The following MYT1 variants were observed in gnomAD, a reference collection of about 807,000 sequenced individuals.
The protein encoded by MYT1 is myelin transcription factor I.
A neutral mutation model predicts 123.0 loss-of-function variants in MYT1; 23 were observed. That is an observed-to-expected ratio of 0.19 (90% CI 0.13 to 0.26). The LOEUF is 0.26. Ranked by LOEUF, MYT1 falls within the 10% of genes least tolerant of loss-of-function variation. The pLI is 1.00. For synonymous variants in MYT1, 518 were observed against 575.3 expected, an observed-to-expected ratio of 0.90 and a Z score of 1.43; for missense variants, 1,125 against 1,472.5, an observed-to-expected ratio of 0.76 and a Z score of 3.86.
intron 1 of MYT1, among the ~76,000 whole-genome samples, chr20:64,180,876 T>C (rs950597449): frequency 4.6e-5 from 7 of 152,248 alleles, no homozygotes; most frequent in Non-Finnish European, 1.0e-4. Flanking sequence ...TCACCACCCC[T>C]GCCACATGCA....
At position 64,222,047 on chromosome 20, in the gene MYT1, C is replaced by T. The variant is rs760637460; in HGVS notation, c.2396C>T (p.Thr799Ile). 3.0e-5 allele frequency: 48 copies of T among 1,612,256 alleles called. No individual in the cohort carries two copies. Among genetic ancestry groups the T allele is most frequent in the Non-Finnish European group, 3.8e-5 (45 of 1,179,932 alleles). Residue 799 changes from threonine (T) to isoleucine (I), a missense_variant and splice_region_variant, in exon 14 of 23, where the codon ACC becomes ATC. Physicochemically the swap from Thr to Ile is moderately conservative, Grantham distance 89. Around this residue, in one of 4 missense-constraint regions of MYT1, gnomAD observed 47 missense variants for 113.1 expected, o/e 0.42. Coordinates refer to ENST00000328439, the MANE Select transcript of MYT1 (RefSeq NM_004535.3). ...AAGGACATAAAGAAGGAGCTGCTCA[C>T]GTAAGTCCCTGTTTGGCTGGCACAG... ...LSKDIKKELL[T>I]CPTPGCDGSG...
intron 2 of MYT1, among the ~76,000 whole-genome samples, chr20:64,194,548 A>C (rs577944254): frequency 6.6e-6 from 1 of 152,346 alleles, no homozygotes; most frequent in Admixed American, 6.5e-5. Context: ...CTGTCCTTTG[A>C]CTGGCCCTGG....
In MYT1 at chr20:64,240,590, G is replaced by C; in HGVS notation, c.*142G>C. On this transcript the variant is annotated 3_prime_UTR_variant, in exon 23 of 23. Transcript: ENST00000328439. ...GCGGGCGGGTTTATCCAAAGGGATG[G>C]CTGGAAATTGGCCGCTCCCACGAGG... The C allele has an allele frequency of 7.9e-7, 1 of 1,262,606 alleles. No homozygotes were observed. Among genetic ancestry groups the C allele is most frequent in the Non-Finnish European group, 1.1e-6 (1 of 947,330 alleles). 78.2% of individuals were successfully genotyped at this position (1,262,606 alleles called of 1,614,324 possible).
rs1337680369 is a variant in MYT1, at chr20:64,208,501, G to A, written c.1291+14G>A. The A allele has an allele frequency of 6.3e-7, 1 of 1,575,210 alleles. No individual in the cohort carries two copies. ...ACTACAGTAAAGGTAGGGCTCAGGG[G>A]TGGCCTGGCCCTGCAGACTCATCCT... On this transcript the variant is annotated intron_variant, in intron 7 of 22. Coordinates refer to ENST00000328439, the MANE Select transcript of MYT1 (RefSeq NM_004535.3). This position sits in a 1 kb window ranked among gnomAD's most constrained non-coding sequence, Gnocchi z 5.4.
Position 64,208,384 on chromosome 20 carries a change from C to T in MYT1, c.1188C>T (p.Cys396=), listed in dbSNP as rs776847989. ...ALKAEQVRTV[C]EPGCPPAEQS... ...AGGCTGAACAGGTGCGCACAGTCTG[C>T]GAGCCGGGCTGCCCGCCTGCCGAGC... Residue 396 remains cysteine, a synonymous_variant, in exon 7 of 23, where the codon TGC becomes TGT. Coordinates refer to ENST00000328439, the MANE Select transcript of MYT1 (RefSeq NM_004535.3). This position sits in a 1 kb window ranked among gnomAD's most constrained non-coding sequence, Gnocchi z 5.4. 12 of 1,613,282 alleles carry T rather than the reference C, an allele frequency of 7.4e-6. No homozygotes were observed. Among genetic ancestry groups the T allele is most frequent in the African/African-American group, 5.3e-5 (4 of 74,920 alleles).
chr20:64,235,907 C>T (rs1172961211), intron 19 of MYT1, among the ~76,000 whole-genome samples: 68 of 26,412 alleles, frequency 2.6e-3, no homozygotes, highest in East Asian at 3.8e-3. Flanking sequence ...GGGATGGCCG[C>T]GGTGGGTGAC....
Position 64,240,356 on chromosome 20 carries a change from A to G in MYT1, c.3274A>G (p.Ser1092Gly). ...CGAACAGAATTTCGATGCCTATGTG[A>G]GCACCCTCACCGACATGTACTCCAA... ...ICEQNFDAYVSTLTDMYSNQD... is the reference protein window; with the variant it reads ...ICEQNFDAYVGTLTDMYSNQD... Residue 1092 changes from serine (S) to glycine (G), a missense_variant, in exon 23 of 23, where the codon AGC (serine) becomes GGC (glycine). This residue lies in a region of MYT1 where 243 missense variants were observed against 323.1 expected (regional missense o/e 0.75). Coordinates refer to ENST00000328439, the MANE Select transcript of MYT1 (RefSeq NM_004535.3). The G allele has an allele frequency of 6.2e-7, 1 of 1,614,038 alleles. No homozygotes were observed. The highest frequency in any genetic ancestry group is 8.5e-7 in the Non-Finnish European group (1 of 1,180,006).
At chr20:64,234,878 A>C (rs1316962803) in intron 19 of MYT1, among the ~76,000 whole-genome samples, 562 of 68,762 alleles carry the variant, frequency 8.2e-3, no homozygotes, top group South Asian at 0.011. Flanking sequence ...TGACCCTGGG[A>C]TGGCCGTGGT....
chr20:64,175,424 TCTC>T (rs1211697495), intron 1 of MYT1, among the ~76,000 whole-genome samples: 1 of 778 alleles, frequency 1.3e-3, no homozygotes, highest in East Asian at 0.17. Context: ...CTCCCTGGCT[TCTC>T]CTGTAGCATC....
At chr20:64,226,684 A>G (rs1984177935) in intron 16 of MYT1, among the ~76,000 whole-genome samples, 2 of 152,270 alleles carry the variant, frequency 1.3e-5, no homozygotes, top group Non-Finnish European at 2.9e-5. Flanking sequence ...AGAAAATAAC[A>G]TCCGTGCTTG....
Position 64,242,079 on chromosome 20 carries a change from G to A in MYT1, c.*1631G>A, listed in dbSNP as rs1984731624. The A allele has an allele frequency of 6.6e-6, 1 of 152,508 alleles. No homozygotes were observed. The highest frequency in any genetic ancestry group is 2.4e-5 in the African/African-American group (1 of 41,416). The allele number at this position is 152,508 out of a possible 1,614,324, so 9.4% of individuals were successfully genotyped here. A position where few individuals can be genotyped will look rare whatever the true frequency, so the allele number is the denominator to read the frequency against. On this transcript the variant is annotated 3_prime_UTR_variant, in exon 23 of 23. Coordinates refer to ENST00000328439, the MANE Select transcript of MYT1 (RefSeq NM_004535.3). ...TGCGGTGGAGTCCTGTTGCTGTGAGGGAGTGCTGGCCGCAGGCAGCCTCGA... is the reference window on the plus strand; with the variant it reads ...TGCGGTGGAGTCCTGTTGCTGTGAGAGAGTGCTGGCCGCAGGCAGCCTCGA...
chr20:64,213,719 C>A lies in MYT1; in HGVS notation c.1631+72C>A. ...CTGCAGAGGGCTTCTCAGTCTCCCG[C>A]AGGCTGTATGTGCATGTGTGTGAGT... On this transcript the variant is annotated intron_variant, in intron 10 of 22. Coordinates refer to ENST00000328439, the MANE Select transcript of MYT1 (RefSeq NM_004535.3). This position sits in a 1 kb window ranked among gnomAD's most constrained non-coding sequence, Gnocchi z 5.6. 1 of 1,263,100 alleles carries A rather than the reference C, an allele frequency of 7.9e-7. No homozygotes were observed. Among genetic ancestry groups the A allele is most frequent in the Non-Finnish European group, 1.1e-6 (1 of 872,332 alleles). The allele number at this position is 1,263,100 out of a possible 1,614,324, so 78.2% of individuals were successfully genotyped here. A position where few individuals can be genotyped will look rare whatever the true frequency, so the allele number is the denominator to read the frequency against.
chr20:64,197,961 C>T (rs753464333), intron 2 of MYT1, among the ~76,000 whole-genome samples: 7 of 152,132 alleles, frequency 4.6e-5, no homozygotes, highest in Middle Eastern at 3.2e-3. Context: ...CTGTTTCTCA[C>T]GGGATGACCC....
intron 2 of MYT1, among the ~76,000 whole-genome samples, chr20:64,195,400 A>ATTTTT (rs1568704696): frequency 1.3e-3 from 10 of 7,826 alleles, no homozygotes; most frequent in Non-Finnish European, 1.7e-3. Context: ...GTGTGTGTAT[A>ATTTTT]CTTTTTTTTT....
intron 2 of MYT1, among the ~76,000 whole-genome samples, chr20:64,197,978 G>T (rs973737913): frequency 6.6e-6 from 1 of 152,134 alleles, no homozygotes; most frequent in Non-Finnish European, 1.5e-5. Context: ...ACCCTGGTGC[G>T]TGAGGGGCAT....
At position 64,218,778 on chromosome 20, in the gene MYT1, T is replaced by C. The variant is rs1983910090; in HGVS notation, c.1847-133T>C. The C allele has an allele frequency of 8.1e-7, 1 of 1,232,578 alleles. No homozygotes were observed. The highest frequency in any genetic ancestry group is 1.2e-6 in the Non-Finnish European group (1 of 852,240). The allele number at this position is 1,232,578 out of a possible 1,614,324, so 76.4% of individuals were successfully genotyped here. On this transcript the variant is annotated intron_variant, in intron 11 of 22. Transcript: ENST00000328439. This position sits in a 1 kb window ranked among gnomAD's most constrained non-coding sequence, Gnocchi z 4.0. Reference sequence around the variant, plus strand: ...CCCCTCCCCACTGACTTGTCTGCATTGCTGCCTCTTTTCAAGTTGTATATC... The same window carrying C: ...CCCCTCCCCACTGACTTGTCTGCATCGCTGCCTCTTTTCAAGTTGTATATC...
At chr20:64,170,760 C>T (rs1982227659) in intron 1 of MYT1, among the ~76,000 whole-genome samples, 1 of 148,434 alleles carries the variant, frequency 6.7e-6, no homozygotes. Flanking sequence ...CCTCGGTGAG[C>T]CGTGACCCAG....
rs1428091433 is a variant in MYT1, at chr20:64,208,109, G to A, written c.913G>A (p.Glu305Lys). Residue 305 changes from glutamate (E) to lysine (K), a missense_variant, in exon 7 of 23, where the codon GAG becomes AAG. By Grantham distance (56) the Glu-to-Lys change is moderately conservative. Coordinates refer to ENST00000328439, the MANE Select transcript of MYT1 (RefSeq NM_004535.3). The surrounding 1 kb of genome is among the most constrained non-coding windows in gnomAD (Gnocchi z 5.4). ...GGAAGAGGAAGAGGAAGAGGAGGAG[G>A]AGGAGGCAGCTCCTGATGTGATCTT... Reference protein sequence around the residue: ...EEEEEEEEEEEEAAPDVIFQE... With the variant: ...EEEEEEEEEEKEAAPDVIFQE... 2 of 1,611,156 alleles carry A rather than the reference G, an allele frequency of 1.2e-6. No individual in the cohort carries two copies. Among genetic ancestry groups the A allele is most frequent in the East Asian group, 4.5e-5 (2 of 44,846 alleles).
rs1258765096 is a variant in MYT1 at position 64,232,124 on chromosome 20, C to T, written c.2676-40C>T. The T allele has an allele frequency of 3.1e-6, 5 of 1,598,696 alleles. No individual in the cohort carries two copies. The highest frequency in any genetic ancestry group is 4.3e-6 in the Non-Finnish European group (5 of 1,169,092). ...AGAGTCTCCAGGCTTCTCCTCCCAACCCTTCGCCCCTGTACTCACCCCGGC... is the reference window on the plus strand; with the variant it reads ...AGAGTCTCCAGGCTTCTCCTCCCAATCCTTCGCCCCTGTACTCACCCCGGC... On this transcript the variant is annotated intron_variant, in intron 18 of 22. Coordinates refer to ENST00000328439, the MANE Select transcript of MYT1 (RefSeq NM_004535.3). This position sits in a 1 kb window ranked among gnomAD's most constrained non-coding sequence, Gnocchi z 6.9.
Sources: allele counts gnomAD v4.1 joint callset (sites outside exome capture counted in the v4.1 genomes callset), GRCh38; gene constraint gnomAD v4.1.1; regional missense constraint gnomAD v4.1.1; non-coding constraint Gnocchi (gnomAD v3.1); transcripts MANE v1.5; gene names NCBI Gene and HGNC (gene_info 2026-07-23, HGNC 2026-07-21).